The following NTN1 variants were observed in gnomAD, a reference collection of about 807,000 sequenced individuals.
NTN1 encodes netrin-1.
In NTN1, 11 loss-of-function variants were observed where a neutral mutation model predicts 54.2. The ratio of observed to expected loss-of-function variants is 0.20; its 90% confidence interval spans 0.13 to 0.34. The LOEUF is 0.34. Among genes scored for constraint, NTN1 ranks in the 10% least tolerant of loss-of-function variants. The pLI is 1.00. For synonymous variants in NTN1, 371 were observed against 382.0 expected, an observed-to-expected ratio of 0.97 and a Z score of 0.33; for missense variants, 740 against 893.1, an observed-to-expected ratio of 0.83 and a Z score of 2.18.
intron 6 of NTN1, among the ~76,000 whole-genome samples, chr17:9,227,523 CATCAAACACA>C (rs1905623108): frequency 6.7e-6 from 1 of 149,828 alleles, no homozygotes; most frequent in Non-Finnish European, 1.5e-5. Flanking sequence ...ACACCACACA[CATCAAACACA>C]GATACACCAT....
chr17:9,021,995 C>A lies in NTN1; in HGVS notation c.-63-316C>A, dbSNP rs538556461. On this transcript the variant is annotated intron_variant, in intron 1 of 6. Coordinates refer to ENST00000173229, the MANE Select transcript of NTN1 (RefSeq NM_004822.3). ...CGGGGTCCCCCAGCTCTCCTGCGCC[C>A]GAAACTTGGGGTGCGAGGGGGGCTG... Among the ~76,000 whole-genome samples the A allele has an allele frequency of 6.6e-5, 10 of 152,192 alleles. No individual in the cohort carries two copies. In the South Asian group the frequency reaches 8.3e-4, roughly 13 times the overall value.
intron 2 of NTN1, among the ~76,000 whole-genome samples, chr17:9,047,002 G>A (rs537988368): frequency 4.3e-4 from 65 of 152,256 alleles, no homozygotes; most frequent in Non-Finnish European, 8.4e-4. Context: ...TTATGTTTAC[G>A]CTATACTGTA....
At chr17:9,082,808 G>T (rs1428282764) in intron 2 of NTN1, among the ~76,000 whole-genome samples, 25 of 151,882 alleles carry the variant, frequency 1.6e-4, no homozygotes, top group Admixed American at 1.6e-3. Flanking sequence ...TGAAACATCG[G>T]GAGGATAAAT....
intron 2 of NTN1, among the ~76,000 whole-genome samples, chr17:9,046,180 TA>T (rs1465133730): frequency 4.2e-4 from 64 of 152,258 alleles, no homozygotes; most frequent in African/African-American, 1.3e-3. Context: ...GAATATGTAA[TA>T]AATCTTAGAA....
intron 2 of NTN1, among the ~76,000 whole-genome samples, chr17:9,031,304 C>T (rs1011979228): frequency 3.3e-5 from 5 of 152,132 alleles, no homozygotes; most frequent in Non-Finnish European, 7.3e-5. Context: ...GCTTGATTGC[C>T]ATTGTCAGGG....
chr17:9,015,563 G>GC, the NTN1 span, among the ~76,000 whole-genome samples: 23 of 151,916 alleles, frequency 1.5e-4, no homozygotes, highest in Non-Finnish European at 2.9e-4. Context: ...GCCATCTGGT[G>GC]CCCCCGTTCC....
intron 5 of NTN1, chr17:9,183,396 G>T (rs148027091): frequency 2.9e-5 from 13 of 451,034 alleles, no homozygotes; most frequent in Non-Finnish European, 5.8e-5. Context: ...GGAGCTGGGC[G>T]TGGGGGAGAA....
the NTN1 span, among the ~76,000 whole-genome samples, chr17:9,013,705 G>C: frequency 6.6e-6 from 1 of 152,122 alleles, no homozygotes; most frequent in East Asian, 1.9e-4. Flanking sequence ...GGTTTCACGA[G>C]GGGATTCCCT....
intron 2 of NTN1, among the ~76,000 whole-genome samples, chr17:9,138,392 G>C (rs1203795261): frequency 2.6e-5 from 4 of 152,172 alleles, no homozygotes; most frequent in Admixed American, 2.0e-4. Flanking sequence ...TGTCCTGGCA[G>C]GAGCGGGCTT....
At chr17:9,189,999 C>T (rs1904408716) in intron 5 of NTN1, among the ~76,000 whole-genome samples, 1 of 152,184 alleles carries the variant, frequency 6.6e-6, no homozygotes, top group Non-Finnish European at 1.5e-5. Flanking sequence ...AAACCCAAAA[C>T]CCCCACTGGC....
At chr17:9,207,223 C>T (rs1016619040) in intron 5 of NTN1, among the ~76,000 whole-genome samples, 2 of 152,164 alleles carry the variant, frequency 1.3e-5, no homozygotes, top group African/African-American at 2.4e-5. Context: ...CACAGGGTGA[C>T]AAGTGCCGTG....
At chr17:9,061,668 G>GT (rs1302926903) in intron 2 of NTN1, among the ~76,000 whole-genome samples, 140 of 151,574 alleles carry the variant, frequency 9.2e-4, no homozygotes, top group African/African-American at 2.7e-3. Flanking sequence ...TCCAGGAGCA[G>GT]TTTTTTTGTT....
chr17:9,117,134 T>C (rs1218885336), intron 2 of NTN1, among the ~76,000 whole-genome samples: 1 of 152,062 alleles, frequency 6.6e-6, no homozygotes, highest in African/African-American at 2.4e-5. Flanking sequence ...AGACATGATG[T>C]TATAGGAAAA....
chr17:9,104,324 G>T (rs1042000431), intron 2 of NTN1, among the ~76,000 whole-genome samples: 1 of 152,148 alleles, frequency 6.6e-6, no homozygotes, highest in Non-Finnish European at 1.5e-5. Context: ...TAATGCCATA[G>T]AACTGTATAC....
chr17:9,051,489 T>A (rs1567698803), intron 2 of NTN1, among the ~76,000 whole-genome samples: 1 of 152,232 alleles, frequency 6.6e-6, no homozygotes, highest in Non-Finnish European at 1.5e-5. Flanking sequence ...CTCTCCACTT[T>A]GCAGTATGTG....
intron 5 of NTN1, among the ~76,000 whole-genome samples, chr17:9,195,893 A>G (rs1904621167): frequency 6.6e-6 from 1 of 151,932 alleles, no homozygotes; most frequent in Admixed American, 6.6e-5. Flanking sequence ...AATAATAACA[A>G]CCATCACTGC....
chr17:9,023,772 T>G (rs2091861537), intron 2 of NTN1, among the ~76,000 whole-genome samples: 1 of 152,214 alleles, frequency 6.6e-6, no homozygotes, highest in Non-Finnish European at 1.5e-5. Context: ...AGGCTGCAGC[T>G]GGGCTCGCGG....
intron 2 of NTN1, among the ~76,000 whole-genome samples, chr17:9,063,056 A>AT (rs752619941): frequency 5.3e-5 from 8 of 149,836 alleles, no homozygotes; most frequent in Non-Finnish European, 1.0e-4. Context: ...GGGAAAGACT[A>AT]TTTTTTATTT....
At chr17:9,169,573 C>G (rs1405874628) in intron 3 of NTN1, among the ~76,000 whole-genome samples, 1 of 152,184 alleles carries the variant, frequency 6.6e-6, no homozygotes, top group Non-Finnish European at 1.5e-5. Flanking sequence ...ATAGAAATTC[C>G]TGGAGGATTG....
Sources: gnomAD v4.1 joint callset for allele counts (sites outside exome capture counted in the v4.1 genomes callset) on GRCh38, gnomAD v4.1.1 for gene constraint, MANE v1.5 for transcripts, NCBI Gene and HGNC (gene_info 2026-07-23, HGNC 2026-07-21) for gene names.